Variants in ANKRD36 observed in about 807,000 individuals in gnomAD.
ANKRD36 encodes the protein ankyrin repeat domain-containing protein 36A.
In ANKRD36, 179 loss-of-function variants were observed where a neutral mutation model predicts 278.1. That is an observed-to-expected ratio of 0.64 (90% confidence interval 0.57 to 0.73). The LOEUF (loss-of-function observed/expected upper bound fraction) is 0.73. Ranked by LOEUF, ANKRD36 falls within the 30% of genes least tolerant of loss-of-function variation. ANKRD36 has a pLI of 0.00. For synonymous variants in ANKRD36, 320 were observed against 641.1 expected (o/e 0.50, Z 7.57); for missense variants, 1,159 against 1,956.7 (o/e 0.59, Z 7.69).
intron 6 of ANKRD36, among the ~76,000 whole-genome samples, chr2:97,127,572 T>A (rs2038943510): frequency 6.6e-6 from 1 of 151,892 alleles, no homozygotes; most frequent in Non-Finnish European, 1.5e-5. Context: ...CCAATCCCCA[T>A]GCTGTTGAAA....
intron 22 of ANKRD36, among the ~76,000 whole-genome samples, chr2:97,171,629 C>T (rs904572308): frequency 1.4e-5 from 2 of 138,830 alleles, no homozygotes; most frequent in Admixed American, 7.3e-5. Context: ...TGCAGCGCAC[C>T]AGCATGGCAC....
chr2:97,169,882 A>G (rs562579254), intron 22 of ANKRD36, among the ~76,000 whole-genome samples: 23 of 152,108 alleles, frequency 1.5e-4, no homozygotes, highest in African/African-American at 3.9e-4. Context: ...GTTCAATGCT[A>G]TAGACTACCA....
At chr2:97,144,892 G>A (rs1210928086) in intron 10 of ANKRD36, among the ~76,000 whole-genome samples, 180 bp downstream of exon 10, 1 of 151,996 alleles carries the variant, frequency 6.6e-6, no homozygotes, top group Non-Finnish European at 1.5e-5. Context: ...CATGATCTGA[G>A]TAGTAAGATT....
chr2:97,139,744 T>G (rs1161714497), intron 6 of ANKRD36, among the ~76,000 whole-genome samples: 2 of 152,230 alleles, frequency 1.3e-5, no homozygotes, highest in East Asian at 1.9e-4. Context: ...GTTTCCCCCT[T>G]AAAGCATGTA....
At chr2:97,218,641 A>G (rs1326162630) in intron 64 of ANKRD36, among the ~76,000 whole-genome samples, 6 of 152,074 alleles carry the variant, frequency 3.9e-5, no homozygotes, top group Admixed American at 1.3e-4. Flanking sequence ...ATGAATGTTT[A>G]TGTTATACTG....
intron 67 of ANKRD36, among the ~76,000 whole-genome samples, chr2:97,227,744 C>T (rs2070377560): frequency 6.6e-6 from 1 of 152,102 alleles, no homozygotes; most frequent in South Asian, 2.1e-4. Flanking sequence ...CCAGTTTTTG[C>T]CCATTCAGTA....
At position 97,260,379 on chromosome 2, in the gene ANKRD36, T is replaced by TATATATATATATATAC. The variant is rs1315601255; in HGVS notation, c.*7-3949_*7-3948insTATATATATATATACA. 2.1e-4 allele frequency among the ~76,000 whole-genome samples: 25 copies of TATATATATATATATAC among 121,210 alleles called. 1 individual carries two copies. The highest frequency in any genetic ancestry group is 1.1e-3 in the East Asian group (3 of 2,794). The allele number at this position is 121,210 out of a possible 152,430, so 79.5% of individuals were successfully genotyped here. ...ATATATATATATATATATATATATATACACACATATATACATACACACACA... is the reference window on the plus strand; with the variant it reads ...ATATATATATATATATATATATATATATATATATATATATACACACACATATATACATACACACACA... On this transcript the variant is annotated intron_variant, in intron 75 of 75. Coordinates refer to ENST00000420699, the MANE Select transcript of ANKRD36 (RefSeq NM_001354587.1).
rs550374174 is a variant in ANKRD36 at position 97,206,437 on chromosome 2, C to G, written c.3163+302C>G. 5.1e-3 allele frequency among the ~76,000 whole-genome samples: 767 copies of G among 151,398 alleles called. 5 individuals carry two copies. The highest frequency in any genetic ancestry group is 0.015 in the African/African-American group (606 of 41,398). On this transcript the variant is annotated intron_variant, in intron 52 of 75. Coordinates refer to ENST00000420699, the MANE Select transcript of ANKRD36 (RefSeq NM_001354587.1). ...GCTTTAATCCTCCAGCTTGTTTTCA[C>G]TAAGGGTGGAAGGAGAAAGAGAGGA...
At chr2:97,164,804 T>C (rs1190731034) in intron 20 of ANKRD36, among the ~76,000 whole-genome samples, 1 of 152,276 alleles carries the variant, frequency 6.6e-6, no homozygotes, top group African/African-American at 2.4e-5. Context: ...TACTCTTCTG[T>C]CTTCTTCATC....
intron 44 of ANKRD36, among the ~76,000 whole-genome samples, chr2:97,200,021 C>T (rs1207119252): frequency 6.6e-6 from 1 of 151,858 alleles, no homozygotes; most frequent in African/African-American, 2.4e-5. Context: ...ATGAGTTGCT[C>T]CTCTGATTTT....
intron 6 of ANKRD36, among the ~76,000 whole-genome samples, chr2:97,139,293 A>C (rs1375910257): frequency 6.7e-6 from 1 of 150,230 alleles, no homozygotes; most frequent in Non-Finnish European, 1.5e-5. Context: ...ACTTGAATTA[A>C]ATTTTTTTTT....
intron 22 of ANKRD36, among the ~76,000 whole-genome samples, chr2:97,178,438 A>T (rs1332603203): frequency 1.3e-4 from 19 of 151,940 alleles, no homozygotes; most frequent in Non-Finnish European, 1.9e-4. Context: ...CAAATGTCCA[A>T]CAATGATAGA....
Position 97,204,520 on chromosome 2 carries a change from C to T in ANKRD36, c.3061+257C>T, listed in dbSNP as rs567363230. On this transcript the variant is annotated intron_variant, in intron 50 of 75. Transcript: ENST00000420699. ...AGAGCAGTTCAAGGCATAAGGGGCT[C>T]CGGGGAACAACATAATTTTGCTTTA... Among the ~76,000 whole-genome samples, 3 of 151,390 alleles carry T rather than the reference C, an allele frequency of 2.0e-5. No individual in the cohort carries two copies. In the East Asian group the frequency reaches 5.9e-4, roughly 30 times the overall value.
rs144445747 is a variant in ANKRD36 at position 97,209,472 on chromosome 2, T to A, written c.3266-209T>A. On this transcript the variant is annotated intron_variant, in intron 54 of 75. Transcript: ENST00000420699. ...GACACGTGACAAATCATATAATGTT[T>A]GAAATTGTAAGGGTATATTTCATGG... 2.5e-3 allele frequency among the ~76,000 whole-genome samples: 373 copies of A among 146,402 alleles called. 1 individual carries two copies. Among genetic ancestry groups the A allele is most frequent in the African/African-American group, 9.6e-3 (362 of 37,584 alleles).
At chr2:97,171,063 G>T (rs1244883063) in intron 22 of ANKRD36, among the ~76,000 whole-genome samples, 3 of 149,340 alleles carry the variant, frequency 2.0e-5, no homozygotes, top group Non-Finnish European at 4.5e-5. Context: ...AGGTGCTGGA[G>T]AGGATGTGGA....
intron 4 of ANKRD36, among the ~76,000 whole-genome samples, chr2:97,123,705 A>T (rs1384902740): frequency 7.1e-6 from 1 of 140,998 alleles, no homozygotes; most frequent in Non-Finnish European, 1.5e-5. Flanking sequence ...GCATATAAGT[A>T]TGTGCATATA....
intron 6 of ANKRD36, among the ~76,000 whole-genome samples, chr2:97,137,608 C>T (rs1243530572): frequency 6.8e-6 from 1 of 147,564 alleles, no homozygotes; most frequent in East Asian, 2.0e-4. Flanking sequence ...CACACACACA[C>T]CGAGTATATG....
chr2:97,222,228 G>T (rs1252804465), intron 66 of ANKRD36, among the ~76,000 whole-genome samples: 1 of 151,880 alleles, frequency 6.6e-6, no homozygotes, highest in African/African-American at 2.4e-5. Context: ...CTCCAGCTTT[G>T]TTCTTTTGGC....
At chr2:97,237,849 CCTT>C (rs1330340166) in intron 68 of ANKRD36, among the ~76,000 whole-genome samples, 2 of 150,576 alleles carry the variant, frequency 1.3e-5, no homozygotes, top group African/African-American at 4.9e-5. Flanking sequence ...GAGATATACT[CCTT>C]CTTTCTGTTT....
Sources: gnomAD v4.1 joint callset for allele counts (sites outside exome capture counted in the v4.1 genomes callset) on GRCh38, gnomAD v4.1.1 for gene constraint, MANE v1.5 for transcripts, NCBI Gene and HGNC (gene_info 2026-07-23, HGNC 2026-07-21) for gene names.